Variants in RBM26 observed in about 807,000 individuals in gnomAD.
The protein encoded by RBM26 is RNA binding motif protein 26.
In RBM26, 30 loss-of-function variants were observed where a neutral mutation model predicts 123.6. The observed-to-expected ratio is 0.24, with a 90% CI of 0.18 to 0.33. RBM26 has a LOEUF of 0.33. Ranked by LOEUF, RBM26 falls within the 10% of genes least tolerant of loss-of-function variation. The probability of loss-of-function intolerance (pLI) is 1.00; values close to 1 mark genes in which losing one functional copy is unlikely to be tolerated. For missense variants in RBM26, 947 were observed against 1,203.6 expected, an observed-to-expected ratio of 0.79 and a Z score of 3.15; for synonymous variants, 400 against 404.4, an observed-to-expected ratio of 0.99 and a Z score of 0.13.
At chr13:79,351,519 G>A (rs1466536864) in intron 14 of RBM26, among the ~76,000 whole-genome samples, 2 of 150,050 alleles carry the variant, frequency 1.3e-5, no homozygotes, top group East Asian at 1.9e-4. Flanking sequence ...AGGAGGTGGG[G>A]ATAACAGAAA....
At chr13:79,392,130 T>C (rs2078100653) in intron 1 of RBM26, among the ~76,000 whole-genome samples, 1 of 59,330 alleles carries the variant, frequency 1.7e-5, no homozygotes, top group Non-Finnish European at 4.5e-5. Context: ...TAATTATATA[T>C]TATACAATAA....
intron 5 of RBM26, 59 bp from the exon 6 acceptor site, chr13:79,369,049 A>G (rs2075615469): frequency 5.4e-6 from 6 of 1,108,290 alleles, no homozygotes; most frequent in Middle Eastern, 2.3e-4. Context: ...AAAAAGTCCC[A>G]GATCTAAGAA....
At chr13:79,334,540 TAAC>T in intron 19 of RBM26, 110 bp from the exon 20 acceptor site, 1 of 528,356 alleles carries the variant, frequency 1.9e-6, no homozygotes, top group Non-Finnish European at 3.3e-6. Flanking sequence ...CCAGAATACA[TAAC>T]AATTCATAAT....
At chr13:79,392,042 C>CAAT (rs1357194661) in intron 1 of RBM26, among the ~76,000 whole-genome samples, 1 of 93,834 alleles carries the variant, frequency 1.1e-5, no homozygotes, top group African/African-American at 3.6e-5. Flanking sequence ...ATATATTATA[C>CAAT]AATACATTAT....
intron 18 of RBM26, among the ~76,000 whole-genome samples, chr13:79,337,511 G>C (rs1000544659): frequency 6.6e-6 from 1 of 152,092 alleles, no homozygotes; most frequent in Non-Finnish European, 1.5e-5. Flanking sequence ...ATAACACTGA[G>C]GTCTTGGAAT....
In RBM26 at chr13:79,368,812, C is replaced by A; in HGVS notation, c.813G>T (p.Trp271Cys). The A allele has an allele frequency of 2.5e-6, 4 of 1,613,878 alleles. No homozygotes were observed. The highest frequency in any genetic ancestry group is 3.4e-6 in the Non-Finnish European group (4 of 1,179,846). Residue 271 changes from tryptophan to cysteine, a missense_variant, in exon 6 of 22, where the codon TGG becomes TGT. Around this residue, in one of 5 missense-constraint regions of RBM26, gnomAD observed 275 missense variants for 361.0 expected, o/e 0.76. Transcript: ENST00000438737. ...THHGNNTTES[W>C]SEFHEDQVDH... ...CCACTTGGTCTTCATGAAATTCAGA[C>A]CAACTTTCGGTAGTGTTGTTTCCAT... is the stretch of plus-strand genomic sequence containing the variant.
chr13:79,390,055 A>C (rs147983180), intron 1 of RBM26, among the ~76,000 whole-genome samples: 2 of 152,294 alleles, frequency 1.3e-5, no homozygotes, highest in African/African-American at 2.4e-5. Flanking sequence ...GCATATTTTT[A>C]CAGATATATG....
At chr13:79,384,299 T>TA (rs1187806607) in intron 1 of RBM26, among the ~76,000 whole-genome samples, 1 of 151,600 alleles carries the variant, frequency 6.6e-6, no homozygotes, top group Non-Finnish European at 1.5e-5. Flanking sequence ...GTCTTGCTGT[T>TA]ACCCAGGCTG....
intron 5 of RBM26, 119 bp from the exon 6 acceptor site, chr13:79,369,109 T>G: frequency 1.7e-6 from 1 of 575,398 alleles, no homozygotes; most frequent in Non-Finnish European, 2.7e-6. Flanking sequence ...TTTTGCATAA[T>G]AATCATTTTC....
intron 2 of RBM26, among the ~76,000 whole-genome samples, chr13:79,378,284 G>A (rs1404172307): frequency 2.0e-5 from 3 of 152,118 alleles, no homozygotes; most frequent in Non-Finnish European, 4.4e-5. Flanking sequence ...ATATCAACAT[G>A]CTTTAAGAAT....
chr13:79,371,701 A>G (rs2075896914), intron 4 of RBM26, 141 bp downstream of exon 4: 2 of 622,720 alleles, frequency 3.2e-6, no homozygotes, highest in South Asian at 2.0e-5. Flanking sequence ...TTCATGGTAG[A>G]AACGGACCTA....
chr13:79,317,076 T>C (rs900354318), downstream of RBM26, among the ~76,000 whole-genome samples: 1 of 151,738 alleles, frequency 6.6e-6, no homozygotes, highest in African/African-American at 2.4e-5. Flanking sequence ...AGCAAGTACT[T>C]CTACTTTAAA....
intron 1 of RBM26, among the ~76,000 whole-genome samples, chr13:79,388,523 CCA>C (rs755184739): frequency 4.1e-4 from 62 of 152,274 alleles, no homozygotes; most frequent in Admixed American, 4.6e-4. Flanking sequence ...CATCTGAAAC[CCA>C]CAGAGGCTAG....
At position 79,359,609 on chromosome 13, in the gene RBM26, G is replaced by C. The variant is rs778987271; in HGVS notation, c.1495C>G (p.Pro499Ala). The C allele has an allele frequency of 6.3e-7, 1 of 1,595,876 alleles. No individual in the cohort carries two copies. The highest frequency in any genetic ancestry group is 8.5e-7 in the Non-Finnish European group (1 of 1,170,938). Residue 499 changes from proline (P) to alanine (A), a missense_variant, in exon 10 of 22, where the codon CCT (proline) becomes GCT (alanine). Pro to Ala is a conservative substitution (Grantham distance 27, BLOSUM62 -1). Transcript: ENST00000438737. ...SRKRTIGSGEPGVPTKKTWFD... is the reference protein window; with the variant it reads ...SRKRTIGSGEAGVPTKKTWFD... ...CAAGTCTTCTTTGTAGGAACTCCAG[G>C]CTCTCCAGAACCAATGGTTCTTTTC...
chr13:79,382,903 A>T (rs1193508547), intron 1 of RBM26, among the ~76,000 whole-genome samples: 1 of 152,234 alleles, frequency 6.6e-6, no homozygotes, highest in Non-Finnish European at 1.5e-5. Context: ...TCATTATTAG[A>T]TGGTTTTCTA....
At chr13:79,326,436 T>A (rs2068426065) in intron 20 of RBM26, among the ~76,000 whole-genome samples, 1 of 152,002 alleles carries the variant, frequency 6.6e-6, no homozygotes, top group African/African-American at 2.4e-5. Context: ...AAGGTGAAAG[T>A]GGACCTAAAT....
chr13:79,369,178 T>C (rs1025259944), intron 5 of RBM26, among the ~76,000 whole-genome samples, 188 bp from the exon 6 acceptor site: 3 of 152,160 alleles, frequency 2.0e-5, no homozygotes, highest in Non-Finnish European at 4.4e-5. Flanking sequence ...CTTTTTAATA[T>C]AACCCAAACT....
intron 1 of RBM26, among the ~76,000 whole-genome samples, chr13:79,387,732 AT>A (rs945960760): frequency 2.8e-4 from 43 of 152,010 alleles, no homozygotes; most frequent in Non-Finnish European, 2.9e-4. Context: ...CTTCAAGAGA[AT>A]TTTTTTTCTT....
downstream of RBM26, among the ~76,000 whole-genome samples, chr13:79,316,192 GGTGTGTGTGTGTGTGTGTGT>G (rs3064578): frequency 7.0e-6 from 1 of 141,996 alleles, no homozygotes; most frequent in Non-Finnish European, 1.5e-5. Flanking sequence ...AAGTGGGGCA[GGTGTGTGTGTGTGTGTGTGT>G]GTGTGTGTGT....
Sources: gnomAD v4.1 joint callset for allele counts (sites outside exome capture counted in the v4.1 genomes callset) on GRCh38, gnomAD v4.1.1 for gene constraint, gnomAD v4.1.1 regional missense constraint, MANE v1.5 for transcripts, NCBI Gene and HGNC (gene_info 2026-07-23, HGNC 2026-07-21) for gene names.